The following ENTPD6 variants were observed in gnomAD, a reference collection of about 807,000 sequenced individuals.
ENTPD6 encodes ectonucleoside triphosphate diphosphohydrolase 6, also known as CD39 antigen-like 2.
A neutral mutation model predicts 61.5 loss-of-function variants in ENTPD6; 46 were observed. The ratio of observed to expected loss-of-function variants is 0.75; its 90% confidence interval spans 0.59 to 0.96. ENTPD6 has a LOEUF of 0.96. Ranked by LOEUF, ENTPD6 falls within the 40% of genes least tolerant of loss-of-function variation. ENTPD6 has a pLI of 0.00. For missense variants in ENTPD6, 612 were observed against 629.0 expected (o/e 0.97, Z 0.29); for synonymous variants, 252 against 255.5 (o/e 0.99, Z 0.13).
intron 3 of ENTPD6, among the ~76,000 whole-genome samples, chr20:25,208,234 G>T (rs567279439): frequency 6.6e-6 from 1 of 152,242 alleles, no homozygotes; most frequent in Non-Finnish European, 1.5e-5. Context: ...ATTTACTTTT[G>T]ACTCCATCTG....
At chr20:25,225,182 G>A in intron 13 of ENTPD6, 23 bp from the exon 14 acceptor site, 1 of 1,602,722 alleles carries the variant, frequency 6.2e-7, no homozygotes, top group Non-Finnish European at 8.5e-7. Flanking sequence ...CCTGGAGCGT[G>A]AAGGGACGTG....
chr20:25,199,273 C>A (rs2090822338), intron 1 of ENTPD6, among the ~76,000 whole-genome samples: 1 of 152,196 alleles, frequency 6.6e-6, no homozygotes. Flanking sequence ...CAGCACATTT[C>A]AGCAGGAAGA....
At chr20:25,218,697 C>A in intron 10 of ENTPD6, 83 bp downstream of exon 10, 2 of 1,394,260 alleles carry the variant, frequency 1.4e-6, no homozygotes, top group Non-Finnish European at 1.9e-6. Flanking sequence ...CTCGGGAGGG[C>A]ACCAGCTTGG....
chr20:25,219,090 C>T (rs1032898599), intron 10 of ENTPD6, among the ~76,000 whole-genome samples: 5 of 152,228 alleles, frequency 3.3e-5, no homozygotes, highest in Non-Finnish European at 7.3e-5. Flanking sequence ...CCATGTTGGC[C>T]AGTATGGTCT....
At position 25,225,253 on chromosome 20, in the gene ENTPD6, T is replaced by A; in HGVS notation, c.1292T>A (p.Met431Lys). ...CCGCAGAGCAGCCCCTTCTCATGCA[T>A]GGACCTCACCTACGTCAGCCTGCTA... is the stretch of plus-strand genomic sequence containing the variant. ...TQPQSSPFSC[M>K]DLTYVSLLLQ... Residue 431 changes from methionine to lysine, a missense_variant, in exon 14 of 15, where the codon ATG becomes AAG. Coordinates refer to ENST00000376652, the MANE Select transcript of ENTPD6 (RefSeq NM_001247.5). 7 of 1,613,648 alleles carry A rather than the reference T, an allele frequency of 4.3e-6. No individual in the cohort carries two copies. The highest frequency in any genetic ancestry group is 5.9e-6 in the Non-Finnish European group (7 of 1,179,950).
intron 11 of ENTPD6, chr20:25,222,612 G>A (rs1304089393): frequency 2.2e-5 from 11 of 493,406 alleles, no homozygotes; most frequent in African/African-American, 7.8e-5. Context: ...TCGTGCCCAC[G>A]GTCTTCACTC....
intron 14 of ENTPD6, 81 bp downstream of exon 14, chr20:25,225,398 G>A (rs370679226): frequency 8.8e-6 from 14 of 1,582,346 alleles, no homozygotes; most frequent in Admixed American, 1.7e-5. Context: ...CTGGGGTCAT[G>A]TCCCCCAGCC....
chr20:25,196,189 G>A, intron 1 of ENTPD6: 1 of 1,198,178 alleles, frequency 8.3e-7, no homozygotes, highest in Non-Finnish European at 1.0e-6. Context: ...TCTGCGTCAG[G>A]GACAGACCCC....
chr20:25,205,353 G>A (rs373520748), intron 1 of ENTPD6, among the ~76,000 whole-genome samples: 3 of 152,186 alleles, frequency 2.0e-5, no homozygotes, highest in African/African-American at 7.2e-5. Flanking sequence ...ATGAAGACAC[G>A]GTGCCAGTGT....
Position 25,211,911 on chromosome 20 carries a change from T to A in ENTPD6, c.454-1352T>A, listed in dbSNP as rs538771466. Among the ~76,000 whole-genome samples the A allele has an allele frequency of 5.3e-5, 8 of 152,256 alleles. No homozygotes were observed. In the South Asian group the frequency reaches 1.5e-3, roughly 28 times the overall value. ...GCAACCTCTGCCTCCCAGGCTCAAA[T>A]GATCCTGCCACCTCAGCCTCCCAAG... On this transcript the variant is annotated intron_variant, in intron 4 of 14. Transcript: ENST00000376652.
chr20:25,217,450 G>A, intron 8 of ENTPD6, 52 bp from the exon 9 acceptor site: 1 of 1,550,960 alleles, frequency 6.4e-7, no homozygotes, highest in Non-Finnish European at 8.9e-7. Flanking sequence ...GGGTGGAGGA[G>A]AATTTTCTAG....
chr20:25,195,899 G>T (rs1319586847), intron 1 of ENTPD6, 32 bp downstream of exon 1: 2 of 1,230,526 alleles, frequency 1.6e-6, no homozygotes, highest in Admixed American at 4.2e-5. Context: ...TGGCGGGGGC[G>T]GCCGGGGATC....
At chr20:25,202,713 T>C (rs768777898) in intron 1 of ENTPD6, among the ~76,000 whole-genome samples, 42 of 152,266 alleles carry the variant, frequency 2.8e-4, no homozygotes, top group Non-Finnish European at 5.6e-4. Flanking sequence ...AGATTACATC[T>C]ATATATATTG....
chr20:25,205,391 A>G (rs1033787261), intron 1 of ENTPD6, among the ~76,000 whole-genome samples: 2 of 152,124 alleles, frequency 1.3e-5, no homozygotes, highest in Non-Finnish European at 2.9e-5. Flanking sequence ...GGGAATGCGT[A>G]TCAGTCTGTG....
chr20:25,221,423 C>T (rs2092628968), intron 11 of ENTPD6, 90 bp downstream of exon 11: 8 of 961,814 alleles, frequency 8.3e-6, no homozygotes, highest in African/African-American at 3.2e-5. Context: ...ATGGGACGTT[C>T]CACGGGAGGC....
At chr20:25,213,505 A>G in intron 5 of ENTPD6, 99 bp downstream of exon 5, 1 of 1,287,874 alleles carries the variant, frequency 7.8e-7, no homozygotes, top group Non-Finnish European at 1.1e-6. Flanking sequence ...ATCAGGCAGG[A>G]CACAGATGCT....
At position 25,197,106 on chromosome 20, in the gene ENTPD6, G is replaced by A. The variant is rs1044795928; in HGVS notation, c.-16+1239G>A. 19 of 985,288 alleles carry A rather than the reference G, an allele frequency of 1.9e-5. No homozygotes were observed. The African/African-American group carries it at 3.1e-4, about 16-fold the overall frequency. The allele number at this position is 985,288 out of a possible 1,614,324, so 61.0% of individuals were successfully genotyped here. A position where few individuals can be genotyped will look rare whatever the true frequency, so the allele number is the denominator to read the frequency against. On this transcript the variant is annotated intron_variant, in intron 1 of 14. Transcript: ENST00000376652. ...AATGTGCTTCATTTTTTGATACAGC[G>A]TGCATGGCAGGCATTTGCATTCATG...
chr20:25,224,346 C>T, intron 13 of ENTPD6, 189 bp downstream of exon 13: 1 of 470,138 alleles, frequency 2.1e-6, no homozygotes, highest in East Asian at 3.5e-5. Flanking sequence ...GAACTGGGTC[C>T]CTCGATTCCA....
intron 4 of ENTPD6, among the ~76,000 whole-genome samples, 193 bp from the exon 5 acceptor site, chr20:25,213,070 A>C (rs1400362747): frequency 6.6e-6 from 1 of 152,210 alleles, no homozygotes; most frequent in Non-Finnish European, 1.5e-5. Flanking sequence ...TGGGAGGCTG[A>C]GGAAGGAGGA....
Sources: gnomAD v4.1 joint callset for allele counts (sites outside exome capture counted in the v4.1 genomes callset) on GRCh38, gnomAD v4.1.1 for gene constraint, MANE v1.5 for transcripts, NCBI Gene and HGNC (gene_info 2026-07-23, HGNC 2026-07-21) for gene names.